The following CDRT4 variants were observed in gnomAD, a reference collection of about 807,000 sequenced individuals.
CDRT4 encodes the protein CMT1A duplicated region transcript 4 protein.
For missense variants in CDRT4, 167 were observed against 193.1 expected (o/e 0.87, Z 0.80); for synonymous variants, 64 against 69.6 (o/e 0.92, Z 0.40).
At chr17:15,438,276 C>T (rs1201829907) in intron 3 of CDRT4, 76 bp from the exon 4 acceptor site, 2 of 1,447,454 alleles carry the variant, frequency 1.4e-6, no homozygotes, top group African/African-American at 2.8e-5. Context: ...AATGGGAAGG[C>T]ATTGGAACCA....
chr17:15,460,105 T>C (rs1417409927), intron 1 of CDRT4, among the ~76,000 whole-genome samples: 1 of 151,982 alleles, frequency 6.6e-6, no homozygotes, highest in East Asian at 1.9e-4. Context: ...TTATATCCAA[T>C]CCCTGCCAGA....
chr17:15,442,570 A>T (rs2954767), intron 2 of CDRT4, among the ~76,000 whole-genome samples: 7 of 152,150 alleles, frequency 4.6e-5, no homozygotes, highest in Non-Finnish European at 2.9e-5. Context: ...TGAACCCTGA[A>T]GCCTCAGGAA....
chr17:15,438,218 T>C lies in CDRT4; in HGVS notation c.32-18A>G, dbSNP rs1298973710. The C allele has an allele frequency of 2.5e-6, 4 of 1,606,904 alleles. No individual in the cohort carries two copies. Among genetic ancestry groups the C allele is most frequent in the Non-Finnish European group, 2.6e-6 (3 of 1,175,694 alleles). On this transcript the variant is annotated intron_variant, in intron 3 of 3. Transcript: ENST00000619038. ...TGTGAGTCCTACCAACAAAGAGAAA[T>C]GCAGGCCATTTAGAGGCAGTCACAT...
Position 15,464,843 on chromosome 17 carries a change from G to A in CDRT4, c.-130+2617C>T, listed in dbSNP as rs575521479. 8.5e-5 allele frequency among the ~76,000 whole-genome samples: 13 copies of A among 152,218 alleles called. No homozygotes were observed. In the East Asian group the frequency reaches 2.3e-3, roughly 27 times the overall value. Reference sequence around the variant, plus strand: ...GCCTGGCATCCACACTCGCAGCTCTGCTGACAGCCAGCACAGAAAGGAACC... The same window carrying A: ...GCCTGGCATCCACACTCGCAGCTCTACTGACAGCCAGCACAGAAAGGAACC... On this transcript the variant is annotated intron_variant, in intron 1 of 3. Coordinates refer to ENST00000619038, the MANE Select transcript of CDRT4 (RefSeq NM_001204477.2). This position sits in a 1 kb window ranked among gnomAD's most constrained non-coding sequence, Gnocchi z 4.5.
intron 2 of CDRT4, among the ~76,000 whole-genome samples, chr17:15,443,221 A>AT (rs1978851612): frequency 6.6e-6 from 1 of 152,088 alleles, no homozygotes; most frequent in African/African-American, 2.4e-5. Context: ...CACTTACAAA[A>AT]TGAGGAAGAG....
At chr17:15,448,714 T>C (rs975958510) in intron 2 of CDRT4, among the ~76,000 whole-genome samples, 2 of 152,132 alleles carry the variant, frequency 1.3e-5, no homozygotes, top group Non-Finnish European at 2.9e-5. Flanking sequence ...ACCATTTTCC[T>C]TCCTTCCTCC....
intron 2 of CDRT4, among the ~76,000 whole-genome samples, chr17:15,441,818 C>T (rs1451630345): frequency 6.6e-6 from 1 of 152,202 alleles, no homozygotes. Context: ...CAGTGCCAAT[C>T]TTCCACAGCA....
rs1270435092 is a variant in CDRT4, at chr17:15,464,094, C to G, written c.-130+3366G>C. ...GCAGACCTCGAATGTTGGCATTAGG[C>G]AGTGCTAGGTTCGAGTCTTGCTTCT... On this transcript the variant is annotated intron_variant, in intron 1 of 3. Transcript: ENST00000619038. The surrounding 1 kb of genome is among the most constrained non-coding windows in gnomAD (Gnocchi z 4.5). Among the ~76,000 whole-genome samples, 5 of 152,196 alleles carry G rather than the reference C, an allele frequency of 3.3e-5. No homozygotes were observed. The highest frequency in any genetic ancestry group is 1.2e-4 in the African/African-American group (5 of 41,454).
chr17:15,466,386 C>A (rs903851857), intron 1 of CDRT4, among the ~76,000 whole-genome samples: 1 of 152,182 alleles, frequency 6.6e-6, no homozygotes, highest in African/African-American at 2.4e-5. Context: ...GGAAGGGCTG[C>A]CTCATCTGCA....
At chr17:15,445,683 C>T (rs930683721) in intron 2 of CDRT4, among the ~76,000 whole-genome samples, 2 of 152,152 alleles carry the variant, frequency 1.3e-5, no homozygotes, top group Non-Finnish European at 2.9e-5. Flanking sequence ...AATCACCTTC[C>T]CTGAAATCAG....
intron 2 of CDRT4, among the ~76,000 whole-genome samples, chr17:15,452,289 C>T (rs1273190224): frequency 6.6e-6 from 1 of 152,242 alleles, no homozygotes; most frequent in Non-Finnish European, 1.5e-5. Flanking sequence ...GGGAATGATA[C>T]ATGTCCCAGT....
chr17:15,461,741 C>T (rs1320329960), intron 1 of CDRT4, among the ~76,000 whole-genome samples: 2 of 152,082 alleles, frequency 1.3e-5, no homozygotes, highest in Non-Finnish European at 2.9e-5. Flanking sequence ...TGCTGTGCGC[C>T]ATTTGCTTTG....
intron 2 of CDRT4, chr17:15,452,664 G>A (rs1979314635): frequency 6.6e-6 from 1 of 152,182 alleles, no homozygotes; most frequent in African/African-American, 2.4e-5. Flanking sequence ...CACACACATG[G>A]CCCCTCCTCT....
intron 3 of CDRT4, among the ~76,000 whole-genome samples, chr17:15,438,783 C>A (rs1214677141): frequency 3.9e-5 from 6 of 152,308 alleles, no homozygotes; most frequent in African/African-American, 1.4e-4. Context: ...CTAAAACCTT[C>A]GGCTATGTCT....
In CDRT4 at chr17:15,437,205, C is replaced by T. The variant is rs983164755; in HGVS notation, c.*568G>A. The T allele has an allele frequency of 2.5e-5, 4 of 158,122 alleles. No homozygotes were observed. 9.8% of individuals were successfully genotyped at this position (158,122 alleles called of 1,614,324 possible). ...GGGGGCACCATCCCCACAGGACTCT[C>T]CTCAGAGCTCAGAGATACCAGCTGC... On this transcript the variant is annotated 3_prime_UTR_variant, in exon 4 of 4. Coordinates refer to ENST00000619038, the MANE Select transcript of CDRT4 (RefSeq NM_001204477.2).
At chr17:15,443,420 C>T (rs1015950672) in intron 2 of CDRT4, among the ~76,000 whole-genome samples, 1 of 149,804 alleles carries the variant, frequency 6.7e-6, no homozygotes, top group Admixed American at 6.7e-5. Flanking sequence ...GCTGGGACTA[C>T]AGGCACACAC....
At chr17:15,456,811 T>G (rs1231949370) in intron 1 of CDRT4, among the ~76,000 whole-genome samples, 1 of 152,140 alleles carries the variant, frequency 6.6e-6, no homozygotes, top group Non-Finnish European at 1.5e-5. Flanking sequence ...TGCTCACCAA[T>G]CCAGAACACA....
In CDRT4 at chr17:15,436,015, T is replaced by G. The variant is rs1978453565; in HGVS notation, c.*1758A>C. 1 of 152,032 alleles carries G rather than the reference T, an allele frequency of 6.6e-6. No homozygotes were observed. Among genetic ancestry groups the G allele is most frequent in the African/African-American group, 2.4e-5 (1 of 41,392 alleles). 9.4% of individuals were successfully genotyped at this position (152,032 alleles called of 1,614,324 possible). On this transcript the variant is annotated 3_prime_UTR_variant, in exon 4 of 4. Coordinates refer to ENST00000619038, the MANE Select transcript of CDRT4 (RefSeq NM_001204477.2). ...AACACCCATAAAAGAACAAAAGAGA[T>G]AAAAAAATTATTGGAGGAATTTATT...
intron 1 of CDRT4, among the ~76,000 whole-genome samples, chr17:15,463,694 T>C (rs1026441524): frequency 6.6e-6 from 1 of 152,142 alleles, no homozygotes; most frequent in African/African-American, 2.4e-5. Flanking sequence ...CTCTCCACTC[T>C]CCACTGTGCC....
Sources: allele counts gnomAD v4.1 joint callset (sites outside exome capture counted in the v4.1 genomes callset), GRCh38; gene constraint gnomAD v4.1.1; non-coding constraint Gnocchi (gnomAD v3.1); transcripts MANE v1.5; gene names NCBI Gene and HGNC (gene_info 2026-07-23, HGNC 2026-07-21).